The following AMZ2 variants were observed in gnomAD, a reference collection of about 807,000 sequenced individuals.
The protein encoded by AMZ2 is archaemetzincin-2.
In AMZ2, 26 loss-of-function variants were observed where a neutral mutation model predicts 36.7. The ratio of observed to expected loss-of-function variants is 0.71; its 90% CI spans 0.52 to 0.98. The LOEUF is 0.98. AMZ2 is among the 50% of genes least tolerant of loss of function. The pLI, the probability that AMZ2 is intolerant of heterozygous loss-of-function variation, is 0.00. For missense variants in AMZ2, 394 were observed against 430.5 expected (o/e 0.92, Z 0.75); for synonymous variants, 144 against 149.1 (o/e 0.97, Z 0.25).
intron 1 of AMZ2, among the ~76,000 whole-genome samples, chr17:68,214,185 T>C (rs1295642605): frequency 1.3e-5 from 2 of 152,162 alleles, no homozygotes; most frequent in Non-Finnish European, 2.9e-5. Flanking sequence ...AGTTGGAAGC[T>C]CTGAGCAAGT....
Position 68,248,070 on chromosome 17 carries a change from C to G in AMZ2, c.-636C>G. On this transcript the variant is annotated 5_prime_UTR_variant, in exon 1 of 7. Transcript: ENST00000359904. Reference sequence around the variant, plus strand: ...TGCGAAGGGACGCGGTGCGCATGCGCGTGAGGGCTGCCGCGGGTGGGTGGT... The same window carrying G: ...TGCGAAGGGACGCGGTGCGCATGCGGGTGAGGGCTGCCGCGGGTGGGTGGT... The G allele has an allele frequency of 1.0e-6, 1 of 986,148 alleles. No homozygotes were observed. Among genetic ancestry groups the G allele is most frequent in the Non-Finnish European group, 1.2e-6 (1 of 830,466 alleles). 61.1% of individuals were successfully genotyped at this position (986,148 alleles called of 1,614,324 possible).
At chr17:68,220,048 C>A (rs1475591266) in intron 1 of AMZ2, among the ~76,000 whole-genome samples, 4 of 152,096 alleles carry the variant, frequency 2.6e-5, no homozygotes, top group Non-Finnish European at 5.9e-5. Context: ...GACTGGCTCT[C>A]CAGTTTTATA....
chr17:68,248,648 A>G lies in AMZ2; in HGVS notation c.-58A>G. ...CCACAACTTTCTTCCAGCCAGGCCCAGACATGTCCGTCCTTGTAAGTTAAA... is the reference window on the plus strand; with the variant it reads ...CCACAACTTTCTTCCAGCCAGGCCCGGACATGTCCGTCCTTGTAAGTTAAA... On this transcript the variant is annotated 5_prime_UTR_variant, in exon 1 of 7. Coordinates refer to ENST00000359904, the MANE Select transcript of AMZ2 (RefSeq NM_016627.5). 2.0e-6 allele frequency: 2 copies of G among 986,044 alleles called. No individual in the cohort carries two copies. The highest frequency in any genetic ancestry group is 2.4e-6 in the Non-Finnish European group (2 of 830,084). The allele number at this position is 986,044 out of a possible 1,614,324, so 61.1% of individuals were successfully genotyped here.
At chr17:68,209,020 G>A (rs1280358157) in intron 1 of AMZ2, among the ~76,000 whole-genome samples, 41 of 152,184 alleles carry the variant, frequency 2.7e-4, no homozygotes, top group Admixed American at 5.2e-4. Context: ...ACCCACCAAT[G>A]CTGGACACTA....
intron 1 of AMZ2, among the ~76,000 whole-genome samples, chr17:68,242,557 G>A (rs1297352267): frequency 3.9e-5 from 6 of 152,012 alleles, no homozygotes; most frequent in Admixed American, 2.6e-4. Flanking sequence ...GATTACAGGC[G>A]TGTGCTACCA....
In AMZ2 at chr17:68,209,612, A is replaced by G. The variant is rs1217226259; in HGVS notation, c.-67+3374A>G. 2.9e-3 allele frequency among the ~76,000 whole-genome samples: 255 copies of G among 87,178 alleles called. 3 individuals are homozygous for G. Among genetic ancestry groups the G allele is most frequent in the East Asian group, 8.4e-3 (21 of 2,512 alleles). The allele number at this position is 87,178 out of a possible 152,430, so 57.2% of individuals were successfully genotyped here. On this transcript the variant is annotated intron_variant, in intron 1 of 7. Transcript: ENST00000674770. ...TGTGTGTGTGTGTGTGTGTATATGTATATATATATATATATATATATTTTT... is the reference window on the plus strand; with the variant it reads ...TGTGTGTGTGTGTGTGTGTATATGTGTATATATATATATATATATATTTTT...
intron 1 of AMZ2, among the ~76,000 whole-genome samples, chr17:68,223,672 T>G (rs2073427150): frequency 6.6e-6 from 1 of 151,966 alleles, no homozygotes; most frequent in Non-Finnish European, 1.5e-5. Flanking sequence ...CCCAAGTAGC[T>G]GGGATTACAG....
At chr17:68,238,327 T>C (rs1371438020) in intron 1 of AMZ2, among the ~76,000 whole-genome samples, 5 of 152,126 alleles carry the variant, frequency 3.3e-5, no homozygotes, top group Non-Finnish European at 7.4e-5. Flanking sequence ...GATTACAGGC[T>C]TGAGTCACTA....
At chr17:68,256,704 G>A (rs548082957) in intron 6 of AMZ2, 110 bp from the exon 7 acceptor site, 25 of 1,073,780 alleles carry the variant, frequency 2.3e-5, no homozygotes, top group Middle Eastern at 2.2e-4. Flanking sequence ...CAAATGCAGC[G>A]TCTTCATGGG....
intron 1 of AMZ2, among the ~76,000 whole-genome samples, chr17:68,230,621 C>G (rs1436820511): frequency 2.6e-5 from 4 of 152,252 alleles, no homozygotes; most frequent in African/African-American, 4.8e-5. Flanking sequence ...GGGATGTGTT[C>G]TATCCCACAG....
upstream of AMZ2, chr17:68,247,607 C>G: frequency 1.0e-6 from 1 of 983,894 alleles, no homozygotes; most frequent in Non-Finnish European, 1.2e-6. Context: ...GGGTGACGGC[C>G]CCGGGGAGCG....
chr17:68,248,959 T>C lies in AMZ2; in HGVS notation c.-1+254T>C, dbSNP rs2074233636. On this transcript the variant is annotated intron_variant, in intron 1 of 6. Transcript: ENST00000359904. ...GCAAAATCTAAATAATTAGAAAATA[T>C]GACAAAGATGATCCAGACAGAGATG... 7 of 757,238 alleles carry C rather than the reference T, an allele frequency of 9.2e-6. No individual in the cohort carries two copies. The South Asian group carries it at 2.6e-4, about 28-fold the overall frequency. 46.9% of individuals were successfully genotyped at this position (757,238 alleles called of 1,614,324 possible). A position where few individuals can be genotyped will look rare whatever the true frequency, so the allele number is the denominator to read the frequency against.
Position 68,250,860 on chromosome 17 carries a change from C to G in AMZ2, c.350C>G (p.Ala117Gly). The change falls in exon 3 of 7, where the codon GCA becomes GGA. Residue 117 changes from alanine (A) to glycine (G), a missense_variant. By Grantham distance (60) the Ala-to-Gly change is moderately conservative. Transcript: ENST00000359904. ...AAATGGCTCACGGGCTACTGTAAAG[C>G]ATATTTCTATGGCTTGAGAGTAAAA... ...YIKWLTGYCK[A>G]YFYGLRVKLL... The G allele has an allele frequency of 5.6e-6, 9 of 1,609,048 alleles. No homozygotes were observed. Among genetic ancestry groups the G allele is most frequent in the Non-Finnish European group, 7.6e-6 (9 of 1,178,754 alleles).
chr17:68,248,054 A>T lies in AMZ2; in HGVS notation c.-652A>T. Reference sequence around the variant, plus strand: ...GCGTGGCGTGGCGCAGTGCGAAGGGACGCGGTGCGCATGCGCGTGAGGGCT... The same window carrying T: ...GCGTGGCGTGGCGCAGTGCGAAGGGTCGCGGTGCGCATGCGCGTGAGGGCT... On this transcript the variant is annotated 5_prime_UTR_variant, in exon 1 of 7. Transcript: ENST00000359904. 2 of 986,178 alleles carry T rather than the reference A, an allele frequency of 2.0e-6. No individual in the cohort carries two copies. Among genetic ancestry groups the T allele is most frequent in the Non-Finnish European group, 2.4e-6 (2 of 830,618 alleles). The allele number at this position is 986,178 out of a possible 1,614,324, so 61.1% of individuals were successfully genotyped here. A position where few individuals can be genotyped will look rare whatever the true frequency, so the allele number is the denominator to read the frequency against.
chr17:68,247,898 C>A (rs1555736426), upstream of AMZ2: 1 of 985,472 alleles, frequency 1.0e-6, no homozygotes, highest in African/African-American at 1.7e-5. Context: ...CGCTGAACTC[C>A]AGCTCTGCGC....
At chr17:68,220,411 A>T (rs1555728195) in intron 1 of AMZ2, among the ~76,000 whole-genome samples, 2 of 152,068 alleles carry the variant, frequency 1.3e-5, no homozygotes, top group African/African-American at 4.8e-5. Flanking sequence ...CTTCTAGATT[A>T]GACTGTAAGC....
At chr17:68,238,860 GA>G (rs1461957178) in intron 1 of AMZ2, among the ~76,000 whole-genome samples, 1 of 152,164 alleles carries the variant, frequency 6.6e-6, no homozygotes, top group East Asian at 1.9e-4. Flanking sequence ...TAACCTAGTG[GA>G]CTAAAAGATT....
intron 1 of AMZ2, among the ~76,000 whole-genome samples, chr17:68,225,918 C>T (rs1217507187): frequency 6.6e-6 from 1 of 152,158 alleles, no homozygotes; most frequent in Non-Finnish European, 1.5e-5. Context: ...CCACTGCACC[C>T]AGCCTTAATG....
At chr17:68,247,977 C>A, upstream of AMZ2, 2 of 984,798 alleles carry the variant, frequency 2.0e-6, no homozygotes, top group Non-Finnish European at 2.4e-6. Context: ...GCCCACAGGG[C>A]GTGCGCGACG....
Sources: gnomAD v4.1 joint callset for allele counts (sites outside exome capture counted in the v4.1 genomes callset) on GRCh38, gnomAD v4.1.1 for gene constraint, MANE v1.5 for transcripts, NCBI Gene and HGNC (gene_info 2026-07-23, HGNC 2026-07-21) for gene names.